Variants in B4GALNT3 observed in about 807,000 individuals in gnomAD.
B4GALNT3 encodes beta-1,4-N-acetylgalactosaminyltransferase 3.
B4GALNT3 carries 86 observed loss-of-function variants against 120.2 expected under a neutral mutation model. The ratio of observed to expected loss-of-function variants is 0.72; its 90% CI spans 0.60 to 0.86. B4GALNT3 has a LOEUF of 0.86. Among genes scored for constraint, B4GALNT3 ranks in the 40% least tolerant of loss-of-function variants. The pLI is 0.00. For missense variants in B4GALNT3, 1,167 were observed against 1,298.9 expected (o/e 0.90, Z 1.56); for synonymous variants, 518 against 510.4 (o/e 1.01, Z -0.20).
chr12:475,111 C>T (rs1475323761), intron 1 of B4GALNT3, among the ~76,000 whole-genome samples: 2 of 151,954 alleles, frequency 1.3e-5, no homozygotes, highest in African/African-American at 4.8e-5. Flanking sequence ...GAGATCCTAT[C>T]TAAAAAGAAA....
At chr12:486,727 C>T (rs1393578308) in intron 1 of B4GALNT3, among the ~76,000 whole-genome samples, 1 of 152,148 alleles carries the variant, frequency 6.6e-6, no homozygotes, top group Non-Finnish European at 1.5e-5. Flanking sequence ...TGCTCCTGGA[C>T]ACCTAACCAC....
At chr12:554,596 C>CTGGCTAACACGGTGAAACCCCG (rs1268737634) in intron 14 of B4GALNT3, among the ~76,000 whole-genome samples, 38 of 150,942 alleles carry the variant, frequency 2.5e-4, no homozygotes, top group Non-Finnish European at 4.9e-4. Flanking sequence ...CGAGACCATC[C>CTGGCTAACACGGTGAAACCCCG]TGGCTAACAC....
chr12:518,252 C>T (rs1414885728), intron 1 of B4GALNT3, among the ~76,000 whole-genome samples: 1 of 152,162 alleles, frequency 6.6e-6, no homozygotes, highest in Non-Finnish European at 1.5e-5. Context: ...TACCCATCTT[C>T]AATCATCCAC....
At chr12:557,492 C>T in intron 15 of B4GALNT3, 116 bp from the exon 16 acceptor site, 2 of 1,055,266 alleles carry the variant, frequency 1.9e-6, no homozygotes, top group Non-Finnish European at 2.8e-6. Flanking sequence ...GCACTGTCCC[C>T]TCAGCCGAGG....
At chr12:561,296 C>T (rs1027511545) in intron 19 of B4GALNT3, 47 bp from the exon 20 acceptor site, 7 of 1,503,410 alleles carry the variant, frequency 4.7e-6, no homozygotes, top group Non-Finnish European at 6.5e-6. Context: ...GGCCCCCCAG[C>T]TGCCTTCTGT....
chr12:549,561 C>T (rs1947050972), intron 9 of B4GALNT3, among the ~76,000 whole-genome samples: 1 of 152,224 alleles, frequency 6.6e-6, no homozygotes, highest in Non-Finnish European at 1.5e-5. Context: ...TGTGGGTCAG[C>T]CGTGGGGCTG....
At chr12:511,488 A>C (rs1414375392) in intron 1 of B4GALNT3, among the ~76,000 whole-genome samples, 6 of 48,496 alleles carry the variant, frequency 1.2e-4, no homozygotes, top group Admixed American at 2.4e-4. Context: ...ACCTTCTTCC[A>C]CCTTCCACCT....
At chr12:514,020 T>A (rs1049073770) in intron 1 of B4GALNT3, among the ~76,000 whole-genome samples, 1 of 152,236 alleles carries the variant, frequency 6.6e-6, no homozygotes, top group African/African-American at 2.4e-5. Context: ...GCGCTGAGGC[T>A]TTCATTTCTG....
At chr12:502,558 C>T (rs1249495173) in intron 1 of B4GALNT3, among the ~76,000 whole-genome samples, 2 of 151,632 alleles carry the variant, frequency 1.3e-5, no homozygotes, top group South Asian at 2.1e-4. Flanking sequence ...GAGAAACAGG[C>T]GGGTGAAAGA....
chr12:512,192 C>CACCTTCCGCCTTCT (rs1180420060), intron 1 of B4GALNT3, among the ~76,000 whole-genome samples: 2,298 of 79,268 alleles, frequency 0.029, 196 homozygotes, highest in Non-Finnish European at 0.037. Context: ...TTCCACCTTC[C>CACCTTCCGCCTTCT]GCCTTCCACC....
chr12:473,321 T>A (rs758109455), intron 1 of B4GALNT3, among the ~76,000 whole-genome samples: 1 of 152,124 alleles, frequency 6.6e-6, no homozygotes, highest in Non-Finnish European at 1.5e-5. Context: ...GTAGGTTGAT[T>A]AGGCTGTTGG....
intron 1 of B4GALNT3, among the ~76,000 whole-genome samples, chr12:470,475 C>T (rs746894357): frequency 1.3e-5 from 2 of 152,236 alleles, no homozygotes; most frequent in Non-Finnish European, 2.9e-5. Context: ...CAAAGGTGGG[C>T]AGGAGGATGA....
chr12:464,093 G>A (rs1319919728), intron 1 of B4GALNT3, among the ~76,000 whole-genome samples: 1 of 152,196 alleles, frequency 6.6e-6, no homozygotes, highest in Non-Finnish European at 1.5e-5. Context: ...AAGCTGTCCT[G>A]GGGAGGGGTC....
In B4GALNT3 at chr12:551,004, T is replaced by C; in HGVS notation, c.1080T>C (p.Pro360=). 1.2e-6 allele frequency: 2 copies of C among 1,613,648 alleles called. No homozygotes were observed. The highest frequency in any genetic ancestry group is 1.7e-6 in the Non-Finnish European group (2 of 1,179,518). Reference sequence around the variant, plus strand: ...CCAGCTATCTGGTGGATGGGCTTCCTCTGCAGCGCTACCAGGGACTCCGGT... The same window carrying C: ...CCAGCTATCTGGTGGATGGGCTTCCCCTGCAGCGCTACCAGGGACTCCGGT... ...YKPSYLVDGL[P]LQRYQGLRFV... The change falls in exon 11 of 20, where the codon CCT becomes CCC. Residue 360 remains proline, a synonymous_variant. Coordinates refer to ENST00000266383, the MANE Select transcript of B4GALNT3 (RefSeq NM_173593.4).
intron 12 of B4GALNT3, 66 bp from the exon 13 acceptor site, chr12:552,400 TC>T: frequency 2.7e-6 from 4 of 1,500,224 alleles, no homozygotes; most frequent in Non-Finnish European, 1.9e-6. Context: ...TGCTGAGACT[TC>T]CAGCAGAGCC....
chr12:520,805 A>T (rs183562084), intron 1 of B4GALNT3, among the ~76,000 whole-genome samples: 4 of 152,358 alleles, frequency 2.6e-5, no homozygotes, highest in East Asian at 3.9e-4. Flanking sequence ...AGATATATAC[A>T]TATATGAATT....
intron 3 of B4GALNT3, among the ~76,000 whole-genome samples, chr12:540,830 G>A (rs1006506776): frequency 5.3e-5 from 8 of 151,958 alleles, no homozygotes; most frequent in East Asian, 1.9e-4. Flanking sequence ...TGCAACCTCC[G>A]CCTTCCGGGT....
At chr12:523,282 C>A (rs977495829) in intron 1 of B4GALNT3, among the ~76,000 whole-genome samples, 1 of 152,170 alleles carries the variant, frequency 6.6e-6, no homozygotes, top group Non-Finnish European at 1.5e-5. Flanking sequence ...CCCTCCTTGT[C>A]CTTCCTTCAT....
At chr12:546,364 C>T (rs528053836) in intron 6 of B4GALNT3, among the ~76,000 whole-genome samples, 1 of 151,974 alleles carries the variant, frequency 6.6e-6, no homozygotes, top group East Asian at 1.9e-4. Context: ...GGACACCCAG[C>T]GCAGCATCTC....
Sources: allele counts gnomAD v4.1 joint callset (sites outside exome capture counted in the v4.1 genomes callset), GRCh38; gene constraint gnomAD v4.1.1; transcripts MANE v1.5; gene names NCBI Gene and HGNC (gene_info 2026-07-23, HGNC 2026-07-21).